NEMF: variants seen among roughly 807,000 people sequenced by gnomAD.
The protein encoded by NEMF is nuclear export mediator factor.
A neutral mutation model predicts 162.2 loss-of-function variants in NEMF; 89 were observed. The observed-to-expected ratio is 0.55, with a 90% CI of 0.46 to 0.65. The LOEUF (loss-of-function observed/expected upper bound fraction) is 0.65. Among genes scored for constraint, NEMF ranks in the 30% least tolerant of loss-of-function variants. The pLI, the probability that NEMF is intolerant of heterozygous loss-of-function variation, is 0.00. For synonymous variants in NEMF, 421 were observed against 404.5 expected (o/e 1.04, Z -0.49); for missense variants, 1,133 against 1,261.9 (o/e 0.90, Z 1.55).
At chr14:49,805,948 A>G in intron 19 of NEMF, 73 bp downstream of exon 19, 2 of 841,894 alleles carry the variant, frequency 2.4e-6, no homozygotes, top group Non-Finnish European at 3.7e-6. Flanking sequence ...TGCTTTATTT[A>G]CTTCTATACT....
intron 17 of NEMF, 55 bp from the exon 18 acceptor site, chr14:49,814,105 C>T: frequency 5.7e-6 from 5 of 872,558 alleles, no homozygotes; most frequent in East Asian, 2.9e-5. Context: ...TTCTTTTTTC[C>T]TTTTTTTTTT....
chr14:49,796,045 G>A, intron 25 of NEMF, 101 bp from the exon 26 acceptor site: 2 of 773,498 alleles, frequency 2.6e-6, no homozygotes, highest in Non-Finnish European at 4.2e-6. Context: ...TATATAAATG[G>A]TCATGGCTTC....
intron 4 of NEMF, among the ~76,000 whole-genome samples, chr14:49,842,921 G>A (rs1004299985): frequency 2.0e-5 from 3 of 152,116 alleles, no homozygotes; most frequent in Middle Eastern, 3.4e-3. Context: ...CAGGAGAATC[G>A]CTTGAACCCG....
At position 49,819,410 on chromosome 14, in the gene NEMF, T is replaced by C. The variant is rs868408311; in HGVS notation, c.1578-4553A>G. Among the ~76,000 whole-genome samples, 1,303 of 151,156 alleles carry C rather than the reference T, an allele frequency of 8.6e-3. 12 individuals carry two copies. Among genetic ancestry groups the C allele is most frequent in the South Asian group, 0.04 (190 of 4,800 alleles). On this transcript the variant is annotated intron_variant, in intron 16 of 32. Coordinates refer to ENST00000298310, the MANE Select transcript of NEMF (RefSeq NM_004713.6). ...TATAGACCATATATATATATATATA[T>C]ATATATATATGTTTATTTTTTTGAG...
chr14:49,821,215 G>GC (rs1243000343), intron 16 of NEMF, among the ~76,000 whole-genome samples: 2 of 6,452 alleles, frequency 3.1e-4, no homozygotes, highest in African/African-American at 3.3e-4. Context: ...GAGGGAGGTG[G>GC]GGGGGTCAGC....
rs777884603 is a variant in NEMF at position 49,825,948 on chromosome 14, T to G, written c.1496A>C (p.Lys499Thr). The G allele has an allele frequency of 1.2e-6, 2 of 1,602,448 alleles. No homozygotes were observed. Among genetic ancestry groups the G allele is most frequent in the East Asian group, 2.2e-5 (1 of 44,772 alleles). Reference protein sequence around the residue: ...KTVEAAEKAFKSAEKKTKQTL... With the variant: ...KTVEAAEKAFTSAEKKTKQTL... ...TTGCTTTGTTTTCTTTTCTGCTGAC[T>G]TGAATGCCTATTTATAGAAAAGAGT... The change falls in exon 16 of 33, where the codon AAG becomes ACG. Residue 499 changes from lysine to threonine, a missense_variant. Around this residue, in one of 3 missense-constraint regions of NEMF, gnomAD observed 582 missense variants for 631.5 expected, o/e 0.92. Transcript: ENST00000298310.
rs867478647 is a variant in NEMF, at chr14:49,789,740, C to G, written c.2620-167G>C. 6.6e-5 allele frequency among the ~76,000 whole-genome samples: 10 copies of G among 152,228 alleles called. 1 individual carries two copies. In the Middle Eastern group the frequency reaches 0.017, roughly 259 times the overall value. On this transcript the variant is annotated intron_variant, in intron 26 of 32. Transcript: ENST00000298310. ...GCTACAAAGTTGGATAACTGAAGTC[C>G]TCATCTTCAAGGAATTTACCATAGG...
intron 4 of NEMF, among the ~76,000 whole-genome samples, chr14:49,843,236 C>T (rs901071319): frequency 1.3e-5 from 2 of 151,884 alleles, no homozygotes; most frequent in Admixed American, 6.6e-5. Flanking sequence ...GGCTCACCCC[C>T]GTAATCCCAA....
At chr14:49,826,101 C>G (rs144937378) in intron 15 of NEMF, 146 bp from the exon 16 acceptor site, 1 of 537,820 alleles carries the variant, frequency 1.9e-6, no homozygotes, top group Admixed American at 3.5e-5. Flanking sequence ...CACACAAATA[C>G]GCATACTTGA....
Position 49,842,671 on chromosome 14 carries a change from T to C in NEMF, c.358-1805A>G, listed in dbSNP as rs147380120. 3.5e-4 allele frequency among the ~76,000 whole-genome samples: 53 copies of C among 152,368 alleles called. No individual in the cohort carries two copies. In the South Asian group the frequency reaches 4.1e-3, roughly 12 times the overall value. ...TCAGTAAATGTAGCCACCATTTACG[T>C]TGGTTAGAGAGATAGATAACCAGAA... On this transcript the variant is annotated intron_variant, in intron 4 of 32. Coordinates refer to ENST00000298310, the MANE Select transcript of NEMF (RefSeq NM_004713.6).
intron 28 of NEMF, among the ~76,000 whole-genome samples, chr14:49,787,892 C>A (rs1192717674): frequency 6.6e-6 from 1 of 152,138 alleles, no homozygotes; most frequent in East Asian, 1.9e-4. Context: ...CTGCACTAAA[C>A]TGAGCACACA....
intron 18 of NEMF, among the ~76,000 whole-genome samples, chr14:49,810,800 G>T (rs991775965): frequency 6.6e-6 from 1 of 152,130 alleles, no homozygotes; most frequent in Non-Finnish European, 1.5e-5. Context: ...ACACTAGTCT[G>T]GACAACATGG....
chr14:49,785,462 A>G (rs1890127145), intron 29 of NEMF, 142 bp from the exon 30 acceptor site: 1 of 631,086 alleles, frequency 1.6e-6, no homozygotes, highest in Admixed American at 2.6e-5. Flanking sequence ...TGGTACTTAA[A>G]CTCTGCTTCA....
intron 4 of NEMF, among the ~76,000 whole-genome samples, chr14:49,844,621 C>A (rs943570666): frequency 1.3e-5 from 2 of 151,982 alleles, no homozygotes; most frequent in African/African-American, 2.4e-5. Flanking sequence ...CACACTTGGG[C>A]TACACTAAAT....
chr14:49,784,895 C>T (rs1424768971), intron 32 of NEMF, 30 bp downstream of exon 32: 1 of 1,576,034 alleles, frequency 6.3e-7, no homozygotes, highest in East Asian at 2.2e-5. Flanking sequence ...CTGTCAGTCT[C>T]CACATTCCTT....
At chr14:49,800,743 C>A in intron 22 of NEMF, 47 bp from the exon 23 acceptor site, 1 of 1,532,858 alleles carries the variant, frequency 6.5e-7, no homozygotes. Flanking sequence ...ACCAACCAAG[C>A]CAGGTGATTT....
intron 25 of NEMF, among the ~76,000 whole-genome samples, chr14:49,797,935 T>C (rs1305742899): frequency 6.6e-6 from 1 of 152,212 alleles, no homozygotes; most frequent in African/African-American, 2.4e-5. Flanking sequence ...TTTCACCAGG[T>C]ACTCAGGTTT....
chr14:49,794,018 G>A (rs983872262), intron 26 of NEMF, among the ~76,000 whole-genome samples: 13 of 151,778 alleles, frequency 8.6e-5, no homozygotes, highest in African/African-American at 3.1e-4. Flanking sequence ...CCATCATTTT[G>A]AATATTTCAT....
intron 16 of NEMF, among the ~76,000 whole-genome samples, chr14:49,816,907 A>C (rs902855085): frequency 6.6e-6 from 1 of 152,230 alleles, no homozygotes; most frequent in African/African-American, 2.4e-5. Context: ...ACAAGTCAAT[A>C]AAAAGTAGTC....
Sources: allele counts gnomAD v4.1 joint callset (sites outside exome capture counted in the v4.1 genomes callset), GRCh38; gene constraint gnomAD v4.1.1; regional missense constraint gnomAD v4.1.1; transcripts MANE v1.5; gene names NCBI Gene and HGNC (gene_info 2026-07-23, HGNC 2026-07-21).